Variants in MYO18A observed in about 807,000 individuals in gnomAD.
The protein encoded by MYO18A is unconventional myosin-XVIIIa.
MYO18A carries 78 observed loss-of-function variants against 235.8 expected under a neutral mutation model. The observed-to-expected ratio is 0.33, with a 90% CI of 0.28 to 0.40. The LOEUF (loss-of-function observed/expected upper bound fraction) is 0.40. MYO18A is among the 10% of genes least tolerant of loss of function. The pLI is 1.00. For synonymous variants in MYO18A, 977 were observed against 1,077.8 expected, an observed-to-expected ratio of 0.91 and a Z score of 1.83; for missense variants, 2,215 against 2,699.3, an observed-to-expected ratio of 0.82 and a Z score of 3.98.
chr17:29,077,350 G>GCACTGTCA (rs1224448760), intron 41 of MYO18A: 1 of 152,282 alleles, frequency 6.6e-6, no homozygotes, highest in African/African-American at 2.4e-5. Context: ...CTCCTGCTCA[G>GCACTGTCA]CACTGTCACA....
chr17:29,096,769 C>T lies in MYO18A; in HGVS notation c.4377G>A (p.Lys1459=). 6.2e-7 allele frequency: 1 copy of T among 1,603,144 alleles called. No homozygotes were observed. Among genetic ancestry groups the T allele is most frequent in the East Asian group, 2.2e-5 (1 of 44,528 alleles). Residue 1459 remains lysine (K), a synonymous_variant, in exon 28 of 42, where the codon AAG becomes AAA. Transcript: ENST00000527372. ...QQVRNHELEK[K]QRRFDSELSQ... ...GCAGGGGGCCCACCCACCTCCTCTG[C>T]TTCTTCTCCAGTTCGTGGTTGCGGA...
intron 1 of MYO18A, among the ~76,000 whole-genome samples, chr17:29,173,098 CT>C (rs71135873): frequency 1.8e-4 from 26 of 146,428 alleles, no homozygotes; most frequent in Non-Finnish European, 2.4e-4. Context: ...TTTGCCGTTA[CT>C]TTTTTTTTTT....
chr17:29,139,418 G>T (rs890538555), intron 2 of MYO18A, among the ~76,000 whole-genome samples: 3 of 152,106 alleles, frequency 2.0e-5, no homozygotes, highest in African/African-American at 7.2e-5. Flanking sequence ...AGCTCTCTCT[G>T]ACCTCTCCCC....
At chr17:29,084,721 CGCT>C (rs989932142) in intron 40 of MYO18A, among the ~76,000 whole-genome samples, 136 of 152,136 alleles carry the variant, frequency 8.9e-4, no homozygotes, top group African/African-American at 3.2e-3. Flanking sequence ...GAGTCCTGTG[CGCT>C]GCCACCAGCC....
chr17:29,172,376 A>G (rs1471433173), intron 1 of MYO18A, among the ~76,000 whole-genome samples: 1 of 152,058 alleles, frequency 6.6e-6, no homozygotes, highest in Non-Finnish European at 1.5e-5. Flanking sequence ...GAGGCAGGAG[A>G]ATCGCTGAAA....
rs573543139 is a variant in MYO18A, at chr17:29,161,269, C to T, written c.999+4673G>A. ...ACTCAGGAGGCTGAGGCAGGAGAATCGCTTGAACCAGGGAGACGGAAGTTG... is the reference window on the plus strand; with the variant it reads ...ACTCAGGAGGCTGAGGCAGGAGAATTGCTTGAACCAGGGAGACGGAAGTTG... On this transcript the variant is annotated intron_variant, in intron 2 of 41. Transcript: ENST00000527372. 5.4e-4 allele frequency among the ~76,000 whole-genome samples: 82 copies of T among 150,946 alleles called. 1 individual carries two copies. Among genetic ancestry groups the T allele is most frequent in the African/African-American group, 1.9e-3 (80 of 41,028 alleles).
In MYO18A at chr17:29,118,836, T is replaced by C. The variant is rs2067134163; in HGVS notation, c.1830-396A>G. 6.6e-6 allele frequency among the ~76,000 whole-genome samples: 1 copy of C among 152,138 alleles called. No individual in the cohort carries two copies. The highest frequency in any genetic ancestry group is 2.4e-5 in the African/African-American group (1 of 41,426). ...CTTTTTAGTGAACACACGCGGCAAA[T>C]CTGAATGTCTGAAGGGAAGAGCGTG... is the stretch of plus-strand genomic sequence containing the variant. On this transcript the variant is annotated intron_variant, in intron 8 of 41. Coordinates refer to ENST00000527372, the MANE Select transcript of MYO18A (RefSeq NM_078471.4). The surrounding 1 kb of genome is among the most constrained non-coding windows in gnomAD (Gnocchi z 4.2).
chr17:29,094,549 T>C (rs2066475695), intron 30 of MYO18A, 101 bp downstream of exon 30: 1 of 1,209,170 alleles, frequency 8.3e-7, no homozygotes, highest in Non-Finnish European at 1.2e-6. Flanking sequence ...AATACGCGAA[T>C]GAATGGAGGC....
Position 29,121,502 on chromosome 17 carries a change from G to A in MYO18A, c.1371+45C>T, listed in dbSNP as rs181762418. 1.9e-3 allele frequency: 2,944 copies of A among 1,537,954 alleles called. 11 individuals are homozygous for A. Among genetic ancestry groups the A allele is most frequent in the Admixed American group, 4.4e-3 (216 of 49,254 alleles). On this transcript the variant is annotated intron_variant, in intron 5 of 41. Coordinates refer to ENST00000527372, the MANE Select transcript of MYO18A (RefSeq NM_078471.4). This position sits in a 1 kb window ranked among gnomAD's most constrained non-coding sequence, Gnocchi z 4.2. ...GGGGAAGGGCAGAGAGCCAGGGCAG[G>A]GGGTGGGACCAGGAGTCTGCAGGGT...
chr17:29,119,795 C>T (rs535986535), intron 7 of MYO18A, among the ~76,000 whole-genome samples: 9 of 152,168 alleles, frequency 5.9e-5, no homozygotes, highest in African/African-American at 2.2e-4. Context: ...AGCTCCTGAC[C>T]TCAGGTGATC....
At chr17:29,159,242 T>C (rs769689089) in intron 2 of MYO18A, among the ~76,000 whole-genome samples, 1 of 151,974 alleles carries the variant, frequency 6.6e-6, no homozygotes, top group Non-Finnish European at 1.5e-5. Context: ...GACAGTCCCC[T>C]GCATCCCACT....
At chr17:29,135,195 G>A (rs1401488420) in intron 2 of MYO18A, among the ~76,000 whole-genome samples, 3 of 151,844 alleles carry the variant, frequency 2.0e-5, no homozygotes, top group African/African-American at 7.3e-5. Flanking sequence ...CCGCCTCCCG[G>A]GTTCACGCCA....
intron 2 of MYO18A, among the ~76,000 whole-genome samples, chr17:29,124,251 CAG>C (rs1384617692): frequency 6.6e-6 from 1 of 152,186 alleles, no homozygotes; most frequent in African/African-American, 2.4e-5. Flanking sequence ...GAGGTGGAGA[CAG>C]AGAATGTCTC....
intron 2 of MYO18A, among the ~76,000 whole-genome samples, chr17:29,162,648 A>G (rs2068198287): frequency 6.6e-6 from 1 of 152,132 alleles, no homozygotes; most frequent in African/African-American, 2.4e-5. Context: ...CCCGCTTACT[A>G]TGAGCTCCTT....
At chr17:29,114,555 C>A (rs1172507602) in intron 14 of MYO18A, among the ~76,000 whole-genome samples, 1 of 152,232 alleles carries the variant, frequency 6.6e-6, no homozygotes, top group Non-Finnish European at 1.5e-5. Context: ...TCACCTGGCA[C>A]CCTCACAGAT....
At chr17:29,149,191 G>T (rs937233072) in intron 2 of MYO18A, among the ~76,000 whole-genome samples, 1 of 152,254 alleles carries the variant, frequency 6.6e-6, no homozygotes, top group East Asian at 1.9e-4. Flanking sequence ...TCCCCAGGAC[G>T]CGTAGGGCAA....
At chr17:29,149,582 C>T (rs900081635) in intron 2 of MYO18A, among the ~76,000 whole-genome samples, 2 of 152,230 alleles carry the variant, frequency 1.3e-5, no homozygotes, top group African/African-American at 2.4e-5. Context: ...CAAGTAGGGA[C>T]GCCTGGGCTT....
rs1295305081 is a variant in MYO18A at position 29,111,947 on chromosome 17, A to C, written c.2599-84T>G. 4 of 1,491,182 alleles carry C rather than the reference A, an allele frequency of 2.7e-6. No homozygotes were observed. Among genetic ancestry groups the C allele is most frequent in the Non-Finnish European group, 3.6e-6 (4 of 1,106,160 alleles). 92.4% of individuals were successfully genotyped at this position (1,491,182 alleles called of 1,614,324 possible). On this transcript the variant is annotated intron_variant, in intron 15 of 41. Transcript: ENST00000527372. The surrounding 1 kb of genome is among the most constrained non-coding windows in gnomAD (Gnocchi z 5.1). ...GTGGTGCCGGGCCCAAACACACCCT[A>C]CAGAATGCTACACATGTGCACACAT...
Position 29,119,264 on chromosome 17 carries a change from A to G in MYO18A, c.1829+71T>C, listed in dbSNP as rs1468807218. 6 of 1,194,256 alleles carry G rather than the reference A, an allele frequency of 5.0e-6. No individual in the cohort carries two copies. The East Asian group carries it at 7.5e-5, about 15-fold the overall frequency. 74.0% of individuals were successfully genotyped at this position (1,194,256 alleles called of 1,614,324 possible). On this transcript the variant is annotated intron_variant, in intron 8 of 41. Coordinates refer to ENST00000527372, the MANE Select transcript of MYO18A (RefSeq NM_078471.4). ...TCAAGTGGCTTTAATTCTGGATGCA[A>G]TCAAGGTCCAGGAGCCCAGTCAGTG...
Sources: gnomAD v4.1 joint callset for allele counts (sites outside exome capture counted in the v4.1 genomes callset) on GRCh38, gnomAD v4.1.1 for gene constraint, Gnocchi (gnomAD v3.1) non-coding constraint, MANE v1.5 for transcripts, NCBI Gene and HGNC (gene_info 2026-07-23, HGNC 2026-07-21) for gene names.